Variants in EPHB2 observed in about 807,000 individuals in gnomAD.
EPHB2 encodes the protein ephrin type-B receptor 2.
EPHB2 carries 18 observed loss-of-function variants against 96.4 expected under a neutral mutation model. The observed-to-expected ratio is 0.19, with a 90% confidence interval of 0.13 to 0.28. The LOEUF (loss-of-function observed/expected upper bound fraction) is 0.28, where lower values mean the gene tolerates loss of function less well. Ranked by LOEUF, EPHB2 falls within the 10% of genes least tolerant of loss-of-function variation. The pLI is 1.00. For synonymous variants in EPHB2, 506 were observed against 534.1 expected (o/e 0.95, Z 0.72); for missense variants, 989 against 1,355.4 (o/e 0.73, Z 4.25).
intron 3 of EPHB2, among the ~76,000 whole-genome samples, chr1:22,829,052 C>T (rs1645264332): frequency 6.6e-6 from 1 of 152,148 alleles, no homozygotes; most frequent in South Asian, 2.1e-4. Context: ...TATTCAGGTG[C>T]CGTAGTGTCA....
intron 3 of EPHB2, among the ~76,000 whole-genome samples, chr1:22,813,154 C>T (rs2148464026): frequency 6.6e-6 from 1 of 152,314 alleles, no homozygotes; most frequent in African/African-American, 2.4e-5. Flanking sequence ...TATCTAGACC[C>T]TTCAACTTGC....
At chr1:22,727,796 CAAA>C in intron 1 of EPHB2, among the ~76,000 whole-genome samples, 1 of 74,310 alleles carries the variant, frequency 1.3e-5, no homozygotes, top group East Asian at 5.4e-4. Flanking sequence ...AAAAAAAAAA[CAAA>C]AAAAAAAAAA....
intron 1 of EPHB2, among the ~76,000 whole-genome samples, chr1:22,771,877 G>A (rs750372706): frequency 3.9e-5 from 6 of 152,190 alleles, no homozygotes; most frequent in African/African-American, 4.8e-5. Context: ...GCTTGAGGGC[G>A]ACTGGCCTGG....
chr1:22,747,841 C>T (rs796779146), intron 1 of EPHB2, among the ~76,000 whole-genome samples: 1 of 152,360 alleles, frequency 6.6e-6, no homozygotes, highest in African/African-American at 2.4e-5. Flanking sequence ...AGTTGGGTGG[C>T]CCCACTCAGC....
chr1:22,765,722 G>C (rs2148400538), intron 1 of EPHB2, among the ~76,000 whole-genome samples: 1 of 152,126 alleles, frequency 6.6e-6, no homozygotes, highest in East Asian at 1.9e-4. Context: ...CAACCCCCAG[G>C]CTGCCTCAGT....
intron 6 of EPHB2, among the ~76,000 whole-genome samples, chr1:22,891,498 T>A (rs1390883661): frequency 7.9e-5 from 12 of 152,264 alleles, no homozygotes; most frequent in Non-Finnish European, 1.8e-4. Context: ...CTTAGCTCCC[T>A]GTAGAACCCC....
At chr1:22,774,632 G>A in intron 1 of EPHB2, 6 of 985,306 alleles carry the variant, frequency 6.1e-6, no homozygotes, top group Non-Finnish European at 7.2e-6. Context: ...GAAGACGGTG[G>A]CTGGAAGGTA....
intron 3 of EPHB2, among the ~76,000 whole-genome samples, chr1:22,826,271 C>T (rs1645222583): frequency 6.6e-6 from 1 of 152,180 alleles, no homozygotes; most frequent in Non-Finnish European, 1.5e-5. Context: ...ACCTGCCTCT[C>T]CCCACGGCCT....
intron 1 of EPHB2, among the ~76,000 whole-genome samples, chr1:22,746,789 G>A (rs920959106): frequency 3.3e-5 from 5 of 152,076 alleles, no homozygotes; most frequent in South Asian, 2.1e-4. Flanking sequence ...ACCTTCCCAC[G>A]AGGGTGTAGG....
rs2148524186 is a variant in EPHB2, at chr1:22,863,148, G to A, written c.923G>A (p.Gly308Asp). ...GCCACCAACTGTGTCTGCCGCAATG[G>A]CTACTACAGAGCAGACCTGGACCCC... ...EGATNCVCRN[G>D]YYRADLDPLD... The change falls in exon 4 of 16, where the codon GGC becomes GAC. Residue 308 changes from glycine (G) to aspartate (D), a missense_variant. Coordinates refer to ENST00000374630, the MANE Select transcript of EPHB2 (RefSeq NM_017449.5). The A allele has an allele frequency of 3.7e-6, 6 of 1,614,190 alleles. No homozygotes were observed. Among genetic ancestry groups the A allele is most frequent in the Non-Finnish European group, 5.1e-6 (6 of 1,180,044 alleles).
chr1:22,768,080 G>A (rs939351324), intron 1 of EPHB2, among the ~76,000 whole-genome samples: 5 of 152,200 alleles, frequency 3.3e-5, no homozygotes, highest in African/African-American at 1.2e-4. Context: ...TGAGGGCTGC[G>A]GAGGCGGTCC....
chr1:22,839,614 C>T (rs1232712893), intron 3 of EPHB2, among the ~76,000 whole-genome samples: 2 of 152,066 alleles, frequency 1.3e-5, no homozygotes, highest in African/African-American at 4.8e-5. Flanking sequence ...GAAGGCTTCC[C>T]AAAGGAAAGG....
chr1:22,807,642 G>A (rs551575334), intron 3 of EPHB2, among the ~76,000 whole-genome samples: 8 of 151,952 alleles, frequency 5.3e-5, no homozygotes, highest in Non-Finnish European at 1.0e-4. Flanking sequence ...GTAAAGGGAA[G>A]ATGCCACCAA....
intron 3 of EPHB2, among the ~76,000 whole-genome samples, chr1:22,831,095 A>G (rs970137561): frequency 6.6e-6 from 1 of 152,104 alleles, no homozygotes; most frequent in Non-Finnish European, 1.5e-5. Flanking sequence ...CAGTAAACCC[A>G]GGGGCTCCCC....
At position 22,800,505 on chromosome 1, in the gene EPHB2, C is replaced by T. The variant is rs544092396; in HGVS notation, c.811+15429C>T. Among the ~76,000 whole-genome samples the T allele has an allele frequency of 9.8e-5, 15 of 152,288 alleles. 1 individual carries two copies. The South Asian group carries it at 3.1e-3, about 32-fold the overall frequency. ...GGGTGCAGCCGTGGAGGGAGGTCCC[C>T]ATCTGTGTGTACACGCCACTGCTGT... On this transcript the variant is annotated intron_variant, in intron 3 of 15. Coordinates refer to ENST00000374630, the MANE Select transcript of EPHB2 (RefSeq NM_017449.5).
At chr1:22,736,251 T>C (rs1403448046) in intron 1 of EPHB2, among the ~76,000 whole-genome samples, 1 of 152,068 alleles carries the variant, frequency 6.6e-6, no homozygotes, top group East Asian at 1.9e-4. Flanking sequence ...AGACTGTACC[T>C]GAAAGGGGAT....
chr1:22,720,551 TA>T (rs1414418925), intron 1 of EPHB2, among the ~76,000 whole-genome samples: 2 of 148,744 alleles, frequency 1.3e-5, no homozygotes, highest in Non-Finnish European at 3.0e-5. Flanking sequence ...TCGTGTTTAG[TA>T]GGGGGAGGAA....
intron 3 of EPHB2, among the ~76,000 whole-genome samples, chr1:22,820,275 C>A (rs1645134911): frequency 6.6e-6 from 1 of 152,158 alleles, no homozygotes; most frequent in Admixed American, 6.5e-5. Flanking sequence ...GATGGTTCCC[C>A]TGAAAGCCAG....
intron 3 of EPHB2, among the ~76,000 whole-genome samples, chr1:22,831,372 G>A (rs1271531863): frequency 6.6e-6 from 1 of 152,100 alleles, no homozygotes; most frequent in Non-Finnish European, 1.5e-5. Context: ...AGCAGAAAGT[G>A]AAAGCATTTT....
Sources: gnomAD v4.1 joint callset for allele counts (sites outside exome capture counted in the v4.1 genomes callset) on GRCh38, gnomAD v4.1.1 for gene constraint, MANE v1.5 for transcripts, NCBI Gene and HGNC (gene_info 2026-07-23, HGNC 2026-07-21) for gene names.